The following CDH13 variants were observed in gnomAD, a reference collection of about 807,000 sequenced individuals.
The protein encoded by CDH13 is cadherin-13.
A neutral mutation model predicts 63.8 loss-of-function variants in CDH13; 24 were observed. That is an observed-to-expected ratio of 0.38 (90% CI 0.27 to 0.53). CDH13 has a LOEUF of 0.53. Among genes scored for constraint, CDH13 ranks in the 20% least tolerant of loss-of-function variants. CDH13 has a pLI of 0.85. For synonymous variants in CDH13, 503 were observed against 355.3 expected (o/e 1.42, Z -4.67); for missense variants, 1,049 against 903.1 (o/e 1.16, Z -2.07).
chr16:83,132,731 C>A, intron 4 of CDH13, among the ~76,000 whole-genome samples: 1 of 152,050 alleles, frequency 6.6e-6, no homozygotes, highest in African/African-American at 2.4e-5. Context: ...CTTAATTTCC[C>A]CCTTTTAAGG....
At chr16:83,673,563 C>G (rs1050797572) in intron 9 of CDH13, among the ~76,000 whole-genome samples, 9 of 130,724 alleles carry the variant, frequency 6.9e-5, no homozygotes, top group Non-Finnish European at 7.9e-5. Context: ...GAGTGAGACT[C>G]TGTCTCAAAA....
intron 6 of CDH13, among the ~76,000 whole-genome samples, chr16:83,393,679 C>T (rs75373172): frequency 6.6e-6 from 1 of 152,158 alleles, no homozygotes; most frequent in Admixed American, 6.5e-5. Flanking sequence ...ATCATTCATT[C>T]ATTGAATTGA....
chr16:83,214,653 A>G (rs1422751795), intron 4 of CDH13, among the ~76,000 whole-genome samples: 6 of 149,536 alleles, frequency 4.0e-5, no homozygotes, highest in African/African-American at 1.5e-4. Flanking sequence ...ATTCTTACCC[A>G]TTAACAACAG....
intron 6 of CDH13, among the ~76,000 whole-genome samples, chr16:83,463,337 T>C (rs2073227741): frequency 6.6e-6 from 1 of 152,218 alleles, no homozygotes; most frequent in African/African-American, 2.4e-5. Context: ...AACAGTTCAT[T>C]TCTTCCCATT....
At chr16:82,743,062 T>C (rs182597600) in intron 1 of CDH13, among the ~76,000 whole-genome samples, 1 of 152,370 alleles carries the variant, frequency 6.6e-6, no homozygotes, top group African/African-American at 2.4e-5. Context: ...CAGAATAGTA[T>C]AATAAATCCC....
intron 7 of CDH13, among the ~76,000 whole-genome samples, chr16:83,514,839 A>G (rs1169616119): frequency 6.6e-6 from 1 of 151,984 alleles, no homozygotes; most frequent in African/African-American, 2.4e-5. Context: ...AGAAGGAAGG[A>G]CTCTTGTAGA....
chr16:82,913,642 G>A (rs915251441), intron 2 of CDH13, among the ~76,000 whole-genome samples: 5 of 152,168 alleles, frequency 3.3e-5, no homozygotes, highest in African/African-American at 9.7e-5. Context: ...AGATGCGATC[G>A]CTGACGAGAG....
intron 2 of CDH13, among the ~76,000 whole-genome samples, chr16:82,951,757 C>G (rs890368970): frequency 6.6e-6 from 1 of 152,142 alleles, no homozygotes; most frequent in African/African-American, 2.4e-5. Context: ...CTGTCTCCCC[C>G]TGGGGATTTT....
At chr16:82,999,627 C>A (rs994698125) in intron 2 of CDH13, among the ~76,000 whole-genome samples, 1 of 152,104 alleles carries the variant, frequency 6.6e-6, no homozygotes, top group African/African-American at 2.4e-5. Context: ...AAATTGATAT[C>A]ATTGGCTACA....
intron 2 of CDH13, among the ~76,000 whole-genome samples, chr16:83,009,979 C>G (rs1465472774): frequency 1.3e-5 from 2 of 151,566 alleles, no homozygotes; most frequent in Non-Finnish European, 2.9e-5. Flanking sequence ...ACTAAAAATA[C>G]AAAAAATTAG....
intron 8 of CDH13, among the ~76,000 whole-genome samples, chr16:83,637,287 CG>C (rs1173811346): frequency 1.9e-5 from 2 of 102,908 alleles, no homozygotes; most frequent in Non-Finnish European, 3.8e-5. Context: ...GGAACAGCTC[CG>C]GTCTACAGCT....
At chr16:83,496,601 G>T (rs2074149931) in intron 7 of CDH13, among the ~76,000 whole-genome samples, 1 of 152,126 alleles carries the variant, frequency 6.6e-6, no homozygotes, top group Non-Finnish European at 1.5e-5. Flanking sequence ...ATAGGCATGG[G>T]CAAGGACTTC....
At position 83,322,747 on chromosome 16, in the gene CDH13, G is replaced by A. The variant is rs145526945; in HGVS notation, c.637-22115G>A. On this transcript the variant is annotated intron_variant, in intron 5 of 13. Transcript: ENST00000567109. Reference sequence around the variant, plus strand: ...TGTATTCAGGTTTAAAGATTCATCCGGTCTATGACTCTACAGTCATTATAA... The same window carrying A: ...TGTATTCAGGTTTAAAGATTCATCCAGTCTATGACTCTACAGTCATTATAA... 7.3e-3 allele frequency among the ~76,000 whole-genome samples: 1,117 copies of A among 152,046 alleles called. 7 individuals carry two copies. Among genetic ancestry groups the A allele is most frequent in the Non-Finnish European group, 0.011 (726 of 67,972 alleles).
intron 1 of CDH13, among the ~76,000 whole-genome samples, chr16:82,689,194 G>T (rs1488837095): frequency 6.7e-6 from 1 of 149,354 alleles, no homozygotes; most frequent in Non-Finnish European, 1.5e-5. Flanking sequence ...GATAAAACCA[G>T]CCTGTCAAAC....
At chr16:83,532,378 A>G (rs1264499487) in intron 7 of CDH13, among the ~76,000 whole-genome samples, 1 of 152,218 alleles carries the variant, frequency 6.6e-6, no homozygotes, top group African/African-American at 2.4e-5. Flanking sequence ...CATTCATTGC[A>G]CTTGGGACTA....
At chr16:83,345,998 C>G (rs1037788635) in intron 6 of CDH13, among the ~76,000 whole-genome samples, 5 of 152,096 alleles carry the variant, frequency 3.3e-5, no homozygotes, top group Non-Finnish European at 5.9e-5. Flanking sequence ...TGGTAACCTT[C>G]CCAGACAACC....
intron 3 of CDH13, among the ~76,000 whole-genome samples, chr16:83,046,798 G>A (rs1329858282): frequency 1.3e-5 from 2 of 152,080 alleles, no homozygotes; most frequent in Non-Finnish European, 2.9e-5. Context: ...TCTGACCCTG[G>A]TGCCACCCTT....
At chr16:82,851,816 C>G (rs547127656) in intron 1 of CDH13, among the ~76,000 whole-genome samples, 11 of 152,244 alleles carry the variant, frequency 7.2e-5, no homozygotes, top group South Asian at 4.2e-4. Context: ...AAGAATTAAT[C>G]AAAATACACT....
chr16:82,633,844 C>T (rs1426881439), intron 1 of CDH13, among the ~76,000 whole-genome samples: 1 of 152,184 alleles, frequency 6.6e-6, no homozygotes, highest in Non-Finnish European at 1.5e-5. Context: ...ATCTGTCTGC[C>T]TCATCCCATA....
Sources: allele counts gnomAD v4.1 joint callset (sites outside exome capture counted in the v4.1 genomes callset), GRCh38; gene constraint gnomAD v4.1.1; transcripts MANE v1.5; gene names NCBI Gene and HGNC (gene_info 2026-07-23, HGNC 2026-07-21).